COG4: variants seen among roughly 807,000 people sequenced by gnomAD.
The protein encoded by COG4 is conserved oligomeric Golgi complex subunit 4.
A neutral mutation model predicts 95.1 loss-of-function variants in COG4; 65 were observed. That is an observed-to-expected ratio of 0.68 (90% confidence interval 0.56 to 0.84). The LOEUF is 0.84. Ranked by LOEUF, COG4 falls within the 40% of genes least tolerant of loss-of-function variation. The pLI is 0.00. For missense variants in COG4, 1,045 were observed against 989.1 expected (o/e 1.06, Z -0.76); for synonymous variants, 421 against 374.8 (o/e 1.12, Z -1.42).
intron 1 of COG4, 103 bp from the exon 2 acceptor site, chr16:70,519,834 C>G: frequency 1.2e-6 from 1 of 855,436 alleles, no homozygotes; most frequent in African/African-American, 1.6e-5. Flanking sequence ...TTTCCAAGTC[C>G]TTTTTTCCTT....
At chr16:70,499,949 C>A (rs566673755) in intron 9 of COG4, among the ~76,000 whole-genome samples, 1 of 151,388 alleles carries the variant, frequency 6.6e-6, no homozygotes, top group African/African-American at 2.4e-5. Context: ...CGTGAGCCAC[C>A]GCGCCCGACC....
At chr16:70,484,502 G>C (rs1276121743) in intron 13 of COG4, among the ~76,000 whole-genome samples, 1 of 152,038 alleles carries the variant, frequency 6.6e-6, no homozygotes, top group Non-Finnish European at 1.5e-5. Flanking sequence ...GTCAGTTTCT[G>C]CTTCTTAAAT....
chr16:70,515,629 G>T (rs56087173), intron 3 of COG4, among the ~76,000 whole-genome samples: 1 of 152,070 alleles, frequency 6.6e-6, no homozygotes, highest in Non-Finnish European at 1.5e-5. Context: ...GGTTGCACAC[G>T]CTGAGATCAA....
At chr16:70,509,089 G>A (rs190433773) in intron 7 of COG4, 142 bp downstream of exon 7, 3 of 1,031,454 alleles carry the variant, frequency 2.9e-6, no homozygotes, top group Admixed American at 3.8e-5. Context: ...CAATGGGCAA[G>A]ATGCAGGCCA....
At position 70,480,974 on chromosome 16, in the gene COG4, G is replaced by A; in HGVS notation, c.*36C>T. On this transcript the variant is annotated 3_prime_UTR_variant, in exon 19 of 19. Transcript: ENST00000323786. Reference sequence around the variant, plus strand: ...CTGGGGCCCCTTAGGGAACAGGCCTGCAAGTGTGATGAGCCAGGTGTGCTC... The same window carrying A: ...CTGGGGCCCCTTAGGGAACAGGCCTACAAGTGTGATGAGCCAGGTGTGCTC... The A allele has an allele frequency of 1.9e-6, 3 of 1,609,958 alleles. No homozygotes were observed. The highest frequency in any genetic ancestry group is 2.5e-6 in the Non-Finnish European group (3 of 1,179,858).
At chr16:70,493,423 G>A (rs1355619783) in intron 12 of COG4, among the ~76,000 whole-genome samples, 2 of 152,076 alleles carry the variant, frequency 1.3e-5, no homozygotes, top group East Asian at 1.9e-4. Context: ...TAATTTAAAT[G>A]TAAATTTCAA....
intron 13 of COG4, among the ~76,000 whole-genome samples, chr16:70,489,940 C>G (rs191870875): frequency 6.6e-6 from 1 of 152,270 alleles, no homozygotes; most frequent in African/African-American, 2.4e-5. Flanking sequence ...GCCTCAGTTT[C>G]CCAAGCAGCT....
At chr16:70,512,104 G>T in intron 5 of COG4, 135 bp downstream of exon 5, 1 of 843,520 alleles carries the variant, frequency 1.2e-6, no homozygotes, top group Non-Finnish European at 2.0e-6. Flanking sequence ...AGTCCTGCAT[G>T]GCTACACAGC....
chr16:70,523,000 C>A (rs984879352), intron 1 of COG4: 14 of 273,374 alleles, frequency 5.1e-5, no homozygotes, highest in African/African-American at 2.9e-4. Context: ...AGGATGAGAG[C>A]GTTTCATAAT....
At chr16:70,499,288 C>T (rs770011439) in intron 9 of COG4, among the ~76,000 whole-genome samples, 3 of 151,864 alleles carry the variant, frequency 2.0e-5, no homozygotes, top group Non-Finnish European at 4.4e-5. Context: ...TGAATGGCTA[C>T]GTATTGGGCA....
At chr16:70,507,519 C>A (rs184342631) in intron 8 of COG4, among the ~76,000 whole-genome samples, 1 of 152,020 alleles carries the variant, frequency 6.6e-6, no homozygotes, top group African/African-American at 2.4e-5. Context: ...GTACACCCTA[C>A]GATGTTGACA....
chr16:70,502,153 A>G (rs1453357373), intron 8 of COG4, among the ~76,000 whole-genome samples: 1 of 151,652 alleles, frequency 6.6e-6, no homozygotes, highest in African/African-American at 2.4e-5. Context: ...GTGGTGGCGC[A>G]TGCCTGTAGT....
chr16:70,491,736 AT>A (rs1428259216), intron 12 of COG4, among the ~76,000 whole-genome samples: 1 of 147,304 alleles, frequency 6.8e-6, no homozygotes, highest in Non-Finnish European at 1.5e-5. Flanking sequence ...AGGCAGGAGA[AT>A]TGCTTGAACT....
chr16:70,490,073 C>T (rs1436279824), intron 13 of COG4, among the ~76,000 whole-genome samples: 1 of 152,144 alleles, frequency 6.6e-6, no homozygotes, highest in African/African-American at 2.4e-5. Flanking sequence ...CCGCCTTGGC[C>T]TCCGAAAGTG....
chr16:70,495,397 C>T (rs79204422), intron 12 of COG4, among the ~76,000 whole-genome samples: 2 of 111,330 alleles, frequency 1.8e-5, no homozygotes, highest in Non-Finnish European at 3.7e-5. Flanking sequence ...GACTCCATCT[C>T]AAAAAAAAAA....
chr16:70,502,321 G>A (rs1243623324), intron 8 of COG4, among the ~76,000 whole-genome samples: 4 of 129,112 alleles, frequency 3.1e-5, no homozygotes, highest in African/African-American at 1.2e-4. Flanking sequence ...GAGGCCGGGC[G>A]CAGTGGCTCA....
intron 13 of COG4, among the ~76,000 whole-genome samples, chr16:70,484,796 G>C (rs1246797777): frequency 6.6e-6 from 1 of 152,134 alleles, no homozygotes; most frequent in Admixed American, 6.5e-5. Context: ...CTACTCAGGA[G>C]GCTGAGGCGA....
chr16:70,492,487 C>T (rs968208797), intron 12 of COG4, among the ~76,000 whole-genome samples: 12 of 151,872 alleles, frequency 7.9e-5, no homozygotes, highest in Non-Finnish European at 8.8e-5. Flanking sequence ...GGAGAAACCC[C>T]GTCTCTACTA....
intron 7 of COG4, chr16:70,509,011 A>G: frequency 1.6e-6 from 1 of 616,380 alleles, no homozygotes; most frequent in East Asian, 2.9e-5. Flanking sequence ...AGCTCTTTTT[A>G]TTTCCGTTTT....
Sources: allele counts gnomAD v4.1 joint callset (sites outside exome capture counted in the v4.1 genomes callset), GRCh38; gene constraint gnomAD v4.1.1; transcripts MANE v1.5; gene names NCBI Gene and HGNC (gene_info 2026-07-23, HGNC 2026-07-21).